Variants in WWOX observed in about 807,000 individuals in gnomAD.
WWOX encodes the protein WW domain containing oxidoreductase.
A neutral mutation model predicts 46.2 loss-of-function variants in WWOX; 69 were observed. That is an observed-to-expected ratio of 1.49 (90% CI 1.23 to 1.82). The LOEUF is 1.82. Ranked by LOEUF, WWOX falls within the 40% of genes most tolerant of loss-of-function variation. The pLI is 0.00. For synonymous variants in WWOX, 359 were observed against 202.6 expected (o/e 1.77, Z -6.56); for missense variants, 919 against 542.6 (o/e 1.69, Z -6.89).
At chr16:78,415,297 G>A (rs987988928) in intron 6 of WWOX, among the ~76,000 whole-genome samples, 6 of 151,990 alleles carry the variant, frequency 3.9e-5, no homozygotes, top group African/African-American at 1.4e-4. Flanking sequence ...CGTGCTAATG[G>A]ATTCATATTA....
chr16:78,419,220 T>G (rs1335584651), intron 6 of WWOX, among the ~76,000 whole-genome samples: 2 of 152,150 alleles, frequency 1.3e-5, no homozygotes, highest in Non-Finnish European at 2.9e-5. Flanking sequence ...ACTCTGCAAA[T>G]TGTGTACAAA....
chr16:78,960,074 T>G (rs990619085), intron 8 of WWOX, among the ~76,000 whole-genome samples: 1 of 152,190 alleles, frequency 6.6e-6, no homozygotes, highest in African/African-American at 2.4e-5. Context: ...ACTAAATGGC[T>G]ACAGGTCAGG....
intron 8 of WWOX, among the ~76,000 whole-genome samples, chr16:78,717,172 T>A (rs1317337590): frequency 6.6e-6 from 1 of 152,180 alleles, no homozygotes; most frequent in Non-Finnish European, 1.5e-5. Flanking sequence ...TCCCCAGGCT[T>A]AGTGGTTGAC....
At chr16:78,377,001 C>T (rs1468016176) in intron 5 of WWOX, among the ~76,000 whole-genome samples, 3 of 152,312 alleles carry the variant, frequency 2.0e-5, no homozygotes, top group Middle Eastern at 3.4e-3. Context: ...ATCACCAGAT[C>T]CCAGATCTCT....
At chr16:78,752,103 ATCAG>A (rs1392100592) in intron 8 of WWOX, among the ~76,000 whole-genome samples, 1 of 152,202 alleles carries the variant, frequency 6.6e-6, no homozygotes, top group African/African-American at 2.4e-5. Flanking sequence ...GTTTTAAATA[ATCAG>A]TCAGTTGTCT....
At chr16:78,843,756 A>C (rs929587275) in intron 8 of WWOX, among the ~76,000 whole-genome samples, 6 of 152,246 alleles carry the variant, frequency 3.9e-5, no homozygotes, top group Non-Finnish European at 8.8e-5. Flanking sequence ...TGTTGCATCA[A>C]ATATTTAGCC....
intron 5 of WWOX, among the ~76,000 whole-genome samples, chr16:78,321,637 C>G (rs1007781145): frequency 6.6e-6 from 1 of 151,954 alleles, no homozygotes; most frequent in African/African-American, 2.4e-5. Flanking sequence ...TCTTATTACT[C>G]TGTCATTTTC....
chr16:78,237,073 C>CAAAA (rs35866443), intron 5 of WWOX, among the ~76,000 whole-genome samples: 16 of 80,756 alleles, frequency 2.0e-4, no homozygotes, highest in East Asian at 1.1e-3. Flanking sequence ...GACTCCGTCT[C>CAAAA]AAAAAAAAAA....
At chr16:79,005,682 C>G (rs1240546165) in intron 8 of WWOX, among the ~76,000 whole-genome samples, 3 of 152,180 alleles carry the variant, frequency 2.0e-5, no homozygotes, top group Non-Finnish European at 4.4e-5. Flanking sequence ...CTTATAAGGA[C>G]ACCAGTCCTT....
chr16:78,852,377 C>A (rs2052466168), intron 8 of WWOX, among the ~76,000 whole-genome samples: 1 of 152,190 alleles, frequency 6.6e-6, no homozygotes. Flanking sequence ...TTGGATCACT[C>A]CTTGTGGCAG....
intron 1 of WWOX, among the ~76,000 whole-genome samples, chr16:78,101,363 T>TTTTA (rs1555533361): frequency 2.8e-5 from 4 of 143,422 alleles, no homozygotes; most frequent in African/African-American, 1.0e-4. Context: ...TTTTTTTTTT[T>TTTTA]AAAGACAGGG....
intron 3 of WWOX, among the ~76,000 whole-genome samples, chr16:78,111,210 A>G (rs74348798): frequency 0.099 from 15,059 of 152,172 alleles, 1,001 homozygotes; most frequent in East Asian, 0.32. Context: ...AAGAGTACCT[A>G]GGTGCCGAGG....
intron 8 of WWOX, among the ~76,000 whole-genome samples, chr16:78,772,873 A>G (rs1206641485): frequency 1.3e-5 from 2 of 152,088 alleles, no homozygotes; most frequent in African/African-American, 4.8e-5. Context: ...AAAAATCAAA[A>G]AAATAATGGG....
At chr16:78,435,199 C>T (rs1186319826) in intron 8 of WWOX, among the ~76,000 whole-genome samples, 3 of 151,996 alleles carry the variant, frequency 2.0e-5, no homozygotes, top group Admixed American at 6.6e-5. Context: ...ACTACCATGT[C>T]GGGGAGGATG....
At chr16:78,208,079 C>G (rs936599220) in intron 5 of WWOX, among the ~76,000 whole-genome samples, 1 of 152,198 alleles carries the variant, frequency 6.6e-6, no homozygotes, top group Non-Finnish European at 1.5e-5. Context: ...TCCCAAAATG[C>G]TGGTATTACA....
intron 2 of WWOX, 106 bp downstream of exon 2, chr16:78,108,593 T>C: frequency 7.8e-7 from 1 of 1,289,852 alleles, no homozygotes; most frequent in Non-Finnish European, 1.1e-6. Flanking sequence ...GAGGGCTCTC[T>C]GGTAGAGAAC....
intron 4 of WWOX, chr16:78,123,428 G>GTTTTTTGTTT (rs2033192332): frequency 1.6e-5 from 1 of 61,050 alleles, no homozygotes; most frequent in Non-Finnish European, 3.6e-5. Flanking sequence ...TTTTTTCTTT[G>GTTTTTTGTTT]TTTTTTGTTT....
chr16:78,421,729 C>T (rs1421766627), intron 6 of WWOX, among the ~76,000 whole-genome samples: 1 of 152,154 alleles, frequency 6.6e-6, no homozygotes, highest in East Asian at 1.9e-4. Context: ...GGAAAAACAA[C>T]AGTAAAGCTG....
At chr16:78,689,374 G>T (rs2047934838) in intron 8 of WWOX, among the ~76,000 whole-genome samples, 1 of 152,122 alleles carries the variant, frequency 6.6e-6, no homozygotes, top group African/African-American at 2.4e-5. Context: ...AGAAACTCTG[G>T]CTGAGTCCCA....
Sources: allele counts gnomAD v4.1 joint callset (sites outside exome capture counted in the v4.1 genomes callset), GRCh38; gene constraint gnomAD v4.1.1; transcripts MANE v1.5; gene names NCBI Gene and HGNC (gene_info 2026-07-23, HGNC 2026-07-21).